Variants in CRTC1 observed in about 807,000 individuals in gnomAD.
The protein encoded by CRTC1 is CREB-regulated transcription coactivator 1.
CRTC1 carries 18 observed loss-of-function variants against 66.1 expected under a neutral mutation model. That is an observed-to-expected ratio of 0.27 (90% confidence interval 0.19 to 0.40). The LOEUF is 0.40. Among genes scored for constraint, CRTC1 ranks in the 10% least tolerant of loss-of-function variants. CRTC1 has a pLI of 1.00. For missense variants in CRTC1, 669 were observed against 887.9 expected (o/e 0.75, Z 3.13); for synonymous variants, 416 against 398.8 (o/e 1.04, Z -0.51).
In CRTC1 at chr19:18,771,550, A is replaced by G; in HGVS notation, c.1425+4A>G. On this transcript the variant is annotated splice_donor_region_variant and intron_variant, in intron 11 of 13. Transcript: ENST00000321949. The surrounding 1 kb of genome is among the most constrained non-coding windows in gnomAD (Gnocchi z 4.6). ...CTCCCCAGGGAGCTCCCCGCAAGTA[A>G]GGGGCGCCGCCTCCCCCTTGGCCTG... 1 of 1,608,788 alleles carries G rather than the reference A, an allele frequency of 6.2e-7. No homozygotes were observed. The highest frequency in any genetic ancestry group is 8.5e-7 in the Non-Finnish European group (1 of 1,176,896).
chr19:18,731,716 C>CACCG (rs2053892948), intron 1 of CRTC1, among the ~76,000 whole-genome samples: 1 of 152,272 alleles, frequency 6.6e-6, no homozygotes, highest in East Asian at 1.9e-4. Flanking sequence ...CCGTGAACCC[C>CACCG]ACCGAGCAGG....
chr19:18,741,080 G>A lies in CRTC1; in HGVS notation c.127-1830G>A, dbSNP rs978495926. On this transcript the variant is annotated intron_variant, in intron 1 of 13. Transcript: ENST00000321949. The surrounding 1 kb of genome is among the most constrained non-coding windows in gnomAD (Gnocchi z 4.2). ...ACTCAGTGTCCACTCCTGGCCCAGG[G>A]GCTGTGCTCCGAAGCCTGAGTGCCT... Among the ~76,000 whole-genome samples the A allele has an allele frequency of 3.3e-5, 5 of 152,306 alleles. No homozygotes were observed. In the South Asian group the frequency reaches 8.3e-4, roughly 25 times the overall value.
intron 6 of CRTC1, among the ~76,000 whole-genome samples, chr19:18,755,823 G>C (rs745340897): frequency 6.6e-6 from 1 of 151,500 alleles, no homozygotes; most frequent in Non-Finnish European, 1.5e-5. Context: ...GGCTGGTCTC[G>C]AACTCCTGGG....
chr19:18,740,701 G>T (rs1408475759), intron 1 of CRTC1, among the ~76,000 whole-genome samples: 1 of 152,182 alleles, frequency 6.6e-6, no homozygotes, highest in Non-Finnish European at 1.5e-5. Context: ...TGAGCATGGG[G>T]TTCCCCAAAA....
At chr19:18,742,392 C>A (rs2054130624) in intron 1 of CRTC1, among the ~76,000 whole-genome samples, 1 of 152,222 alleles carries the variant, frequency 6.6e-6, no homozygotes, top group East Asian at 1.9e-4. Flanking sequence ...GGGGGACTGA[C>A]TTGGCTGCCC....
chr19:18,727,676 G>A (rs145107296), intron 1 of CRTC1, among the ~76,000 whole-genome samples: 3 of 151,808 alleles, frequency 2.0e-5, no homozygotes, highest in African/African-American at 7.2e-5. Context: ...AAGTGCTAAG[G>A]ATGGTCAGCA....
intron 1 of CRTC1, among the ~76,000 whole-genome samples, chr19:18,721,217 G>A (rs1439742993): frequency 1.4e-5 from 2 of 141,014 alleles, no homozygotes; most frequent in African/African-American, 2.7e-5. Context: ...TTTTTGAGAC[G>A]GAGTCTCGCT....
chr19:18,708,171 G>A (rs1452593885), intron 1 of CRTC1, among the ~76,000 whole-genome samples: 1 of 152,176 alleles, frequency 6.6e-6, no homozygotes, highest in Non-Finnish European at 1.5e-5. Context: ...GAGGCCTACA[G>A]GAGGCAGGGA....
At chr19:18,759,161 C>T (rs2054558275) in intron 6 of CRTC1, among the ~76,000 whole-genome samples, 1 of 152,182 alleles carries the variant, frequency 6.6e-6, no homozygotes, top group Non-Finnish European at 1.5e-5. Context: ...TGTGATCACA[C>T]CACTGCACTC....
chr19:18,731,923 C>A (rs2053898967), intron 1 of CRTC1, among the ~76,000 whole-genome samples: 1 of 152,200 alleles, frequency 6.6e-6, no homozygotes, highest in Non-Finnish European at 1.5e-5. Context: ...ACCCACCCTG[C>A]ACCCCGGGGG....
chr19:18,691,516 T>C, intron 1 of CRTC1, among the ~76,000 whole-genome samples: 1 of 117,490 alleles, frequency 8.5e-6, no homozygotes, highest in African/African-American at 3.8e-5. Context: ...GTGAGACCCT[T>C]TTCTCCAAAA....
chr19:18,685,760 T>A (rs1255585463), intron 1 of CRTC1, among the ~76,000 whole-genome samples: 2 of 152,194 alleles, frequency 1.3e-5, no homozygotes, highest in African/African-American at 4.8e-5. Context: ...CTTCTTTTTG[T>A]CTCCAGCACA....
At chr19:18,715,773 G>A (rs2053493082) in intron 1 of CRTC1, among the ~76,000 whole-genome samples, 1 of 152,184 alleles carries the variant, frequency 6.6e-6, no homozygotes, top group Non-Finnish European at 1.5e-5. Context: ...TCCCAGGCAG[G>A]GGGTCTCTCT....
chr19:18,779,474 G>C lies in CRTC1; in HGVS notation c.*2092G>C. 1 of 211,170 alleles carries C rather than the reference G, an allele frequency of 4.7e-6. No individual in the cohort carries two copies. Among genetic ancestry groups the C allele is most frequent in the East Asian group, 6.9e-5 (1 of 14,414 alleles). The allele number at this position is 211,170 out of a possible 1,614,324, so 13.1% of individuals were successfully genotyped here. A position where few individuals can be genotyped will look rare whatever the true frequency, so the allele number is the denominator to read the frequency against. ...AGCGGGGACTTTTTTTTTTTTTTAA[G>C]AAAAACTACATGTACATAGGAGAGT... On this transcript the variant is annotated 3_prime_UTR_variant, in exon 14 of 14. Transcript: ENST00000321949.
chr19:18,775,095 C>G (rs1054131905), intron 12 of CRTC1, 109 bp downstream of exon 12: 3 of 1,051,052 alleles, frequency 2.9e-6, no homozygotes, highest in Admixed American at 4.1e-5. Flanking sequence ...GCTCGGGGGG[C>G]CCGTGCCTGC....
At chr19:18,688,227 A>T (rs1284331047) in intron 1 of CRTC1, among the ~76,000 whole-genome samples, 1 of 151,968 alleles carries the variant, frequency 6.6e-6, no homozygotes, top group Non-Finnish European at 1.5e-5. Flanking sequence ...ACGTGCTAGG[A>T]GTGGCTGGGA....
Position 18,781,854 on chromosome 19 carries a change from G to T in CRTC1, c.*4472G>T, listed in dbSNP as rs2055109928. On this transcript the variant is annotated 3_prime_UTR_variant, in exon 14 of 14. Coordinates refer to ENST00000321949, the MANE Select transcript of CRTC1 (RefSeq NM_015321.3). ...GCCAGGGACAGGTGGCATGTGTTGG[G>T]GTCGGGGGATGGCCCCCATCTCGAA... The T allele has an allele frequency of 4.3e-6, 1 of 230,670 alleles. No homozygotes were observed. Among genetic ancestry groups the T allele is most frequent in the Non-Finnish European group, 8.6e-6 (1 of 116,504 alleles). The allele number at this position is 230,670 out of a possible 1,614,324, so 14.3% of individuals were successfully genotyped here.
At chr19:18,723,892 C>T (rs538045540) in intron 1 of CRTC1, among the ~76,000 whole-genome samples, 2 of 152,286 alleles carry the variant, frequency 1.3e-5, no homozygotes, top group African/African-American at 2.4e-5. Flanking sequence ...CACACGCCAC[C>T]GTCATCTCAG....
At chr19:18,742,678 A>G (rs1032159943) in intron 1 of CRTC1, among the ~76,000 whole-genome samples, 19 of 152,316 alleles carry the variant, frequency 1.2e-4, no homozygotes, top group African/African-American at 4.6e-4. Flanking sequence ...GGGTTTCTGC[A>G]TGGTGCATTG....
Sources: gnomAD v4.1 joint callset for allele counts (sites outside exome capture counted in the v4.1 genomes callset) on GRCh38, gnomAD v4.1.1 for gene constraint, Gnocchi (gnomAD v3.1) non-coding constraint, MANE v1.5 for transcripts, NCBI Gene and HGNC (gene_info 2026-07-23, HGNC 2026-07-21) for gene names.